The following SLC27A1 variants were observed in gnomAD, a reference collection of about 807,000 sequenced individuals.
SLC27A1 encodes the protein solute carrier family 27 member 1.
SLC27A1 carries 61 observed loss-of-function variants against 62.2 expected under a neutral mutation model. That is an observed-to-expected ratio of 0.98 (90% CI 0.80 to 1.21). The LOEUF (loss-of-function observed/expected upper bound fraction) is 1.21. Ranked by LOEUF, SLC27A1 falls within the 50% of genes most tolerant of loss-of-function variation. SLC27A1 has a pLI of 0.00. For missense variants in SLC27A1, 903 were observed against 932.1 expected (o/e 0.97, Z 0.41); for synonymous variants, 435 against 408.6 (o/e 1.06, Z -0.78).
At chr19:17,474,588 C>T (rs1163251675) in intron 1 of SLC27A1, among the ~76,000 whole-genome samples, 1 of 151,870 alleles carries the variant, frequency 6.6e-6, no homozygotes, top group African/African-American at 2.4e-5. Context: ...TTGTATGGTC[C>T]CCTCCCTTTG....
At chr19:17,470,439 G>T, upstream of SLC27A1, 1 of 1,322,230 alleles carries the variant, frequency 7.6e-7, no homozygotes, top group Non-Finnish European at 9.7e-7. Context: ...CCGAGGCCTG[G>T]GGGCGCGGCT....
chr19:17,494,928 T>G (rs1288770235), intron 6 of SLC27A1, among the ~76,000 whole-genome samples: 1 of 151,886 alleles, frequency 6.6e-6, no homozygotes, highest in East Asian at 1.9e-4. Flanking sequence ...CACGGTCTAT[T>G]TAGATCAGAT....
chr19:17,502,335 GTTTTTTTTGTT>G (rs1257927445), intron 11 of SLC27A1, among the ~76,000 whole-genome samples: 34 of 75,868 alleles, frequency 4.5e-4, no homozygotes, highest in Non-Finnish European at 6.5e-4. Flanking sequence ...CTGAAATAGT[GTTTTTTTTGTT>G]TTTTTTTTTT....
intron 6 of SLC27A1, among the ~76,000 whole-genome samples, chr19:17,494,231 G>C (rs1370669669): frequency 6.6e-6 from 1 of 151,372 alleles, no homozygotes; most frequent in Non-Finnish European, 1.5e-5. Context: ...CACGGTGTTA[G>C]CCAGGATGGT....
rs770582813 is a variant in SLC27A1 at position 17,500,534 on chromosome 19, A to C, written c.1373A>C (p.Asp458Ala). The C allele has an allele frequency of 6.2e-7, 1 of 1,613,480 alleles. No homozygotes were observed. Among genetic ancestry groups the C allele is most frequent in the East Asian group, 2.2e-5 (1 of 44,862 alleles). Residue 458 changes from aspartate to alanine, a missense_variant, in exon 9 of 12, where the codon GAC becomes GCC. Transcript: ENST00000252595. The part of the protein sequence containing the change: ...GLLVGQINQQ[D>A]PLRRFDGYVS... ...CTTGTGGGTCAGATCAACCAACAGG[A>C]CCCGCTGCGCCGCTTCGATGGCTAT...
At chr19:17,490,579 C>G (rs1482414697) in intron 6 of SLC27A1, among the ~76,000 whole-genome samples, 2 of 152,074 alleles carry the variant, frequency 1.3e-5, no homozygotes, top group African/African-American at 2.4e-5. Context: ...CTGTCCTGCC[C>G]CTCCCCACCT....
At chr19:17,490,224 T>C (rs2075281242) in intron 6 of SLC27A1, 1 of 152,168 alleles carries the variant, frequency 6.6e-6, no homozygotes, top group Non-Finnish European at 1.5e-5. Context: ...CTATCATGGC[T>C]CACTGCAGCT....
chr19:17,479,298 G>A (rs1193538258), intron 1 of SLC27A1, among the ~76,000 whole-genome samples: 1 of 152,138 alleles, frequency 6.6e-6, no homozygotes, highest in Non-Finnish European at 1.5e-5. Flanking sequence ...TGGCAATTTT[G>A]GAGATGCAGG....
rs2075265317 is a variant in SLC27A1 at position 17,488,883 on chromosome 19, AC to A, written c.832del (p.Arg278AlafsTer32). ...YRMAAFGHHA[Y>X]RMQAADVLYD... is the part of the protein sequence containing the mutation. ...ATGGCAGCCTTCGGCCACCACGCCT[AC>A]CGCATGCAGGCGGCTGACGTGCTCT... On this transcript the variant is annotated frameshift_variant, in exon 5 of 12. Coordinates refer to ENST00000252595, the MANE Select transcript of SLC27A1 (RefSeq NM_198580.3). LOFTEE classifies it high-confidence loss of function. 2 of 1,613,748 alleles carry A rather than the reference AC, an allele frequency of 1.2e-6. No homozygotes were observed. The highest frequency in any genetic ancestry group is 1.7e-6 in the Non-Finnish European group (2 of 1,179,954).
Position 17,500,784 on chromosome 19 carries a change from G to A in SLC27A1, c.1544G>A (p.Arg515Gln), listed in dbSNP as rs767912506. The change falls in exon 10 of 12, where the codon CGA becomes CAA. Residue 515 changes from arginine (R) to glutamine (Q), a missense_variant. Coordinates refer to ENST00000252595, the MANE Select transcript of SLC27A1 (RefSeq NM_198580.3). ...RDRSGDTFRW[R>Q]GENVSTTEVE... ...CGTAGCGGGGACACCTTCCGCTGGC[G>A]AGGGGAGAACGTCTCCACCACCGAG... The A allele has an allele frequency of 1.8e-5, 29 of 1,612,862 alleles. No homozygotes were observed. The highest frequency in any genetic ancestry group is 3.4e-5 in the Admixed American group (2 of 59,620).
intron 4 of SLC27A1, 45 bp from the exon 5 acceptor site, chr19:17,488,803 T>G: frequency 1.3e-6 from 2 of 1,561,332 alleles, no homozygotes; most frequent in Non-Finnish European, 1.8e-6. Context: ...CCCTGGGGGA[T>G]TTAGGTCCCA....
chr19:17,499,252 G>C (rs899207413), intron 7 of SLC27A1: 5 of 161,352 alleles, frequency 3.1e-5, no homozygotes, highest in African/African-American at 4.8e-5. Flanking sequence ...CCCTGTCCGG[G>C]CATAACAGAA....
chr19:17,497,278 C>T lies in SLC27A1; in HGVS notation c.1020C>T (p.Ile340=), dbSNP rs375208112. The T allele has an allele frequency of 6.2e-7, 1 of 1,605,330 alleles. No individual in the cohort carries two copies. The highest frequency in any genetic ancestry group is 8.5e-7 in the Non-Finnish European group (1 of 1,177,512). The change falls in exon 7 of 12, where the codon ATC becomes ATT. Residue 340 remains isoleucine, a synonymous_variant. Coordinates refer to ENST00000252595, the MANE Select transcript of SLC27A1 (RefSeq NM_198580.3). The part of the protein sequence containing the change: ...NCTVVQYIGE[I]CRYLLKQPVR... ...AGGTGGTTCAGTACATCGGGGAGAT[C>T]TGCCGCTACCTGCTGAAGCAGCCGG...
At position 17,505,217 on chromosome 19, in the gene SLC27A1, C is replaced by A. The variant is rs943938640; in HGVS notation, c.*605C>A. On this transcript the variant is annotated 3_prime_UTR_variant, in exon 12 of 12. Coordinates refer to ENST00000252595, the MANE Select transcript of SLC27A1 (RefSeq NM_198580.3). ...CTTTCCTTTTTCCTCTCCTCTCCTGCCGAGAGTGGAACACGCGTGTCCTGG... is the reference window on the plus strand; with the variant it reads ...CTTTCCTTTTTCCTCTCCTCTCCTGACGAGAGTGGAACACGCGTGTCCTGG... 6 of 293,700 alleles carry A rather than the reference C, an allele frequency of 2.0e-5. No homozygotes were observed. The highest frequency in any genetic ancestry group is 1.3e-4 in the African/African-American group (6 of 45,118). 18.2% of individuals were successfully genotyped at this position (293,700 alleles called of 1,614,324 possible).
intron 6 of SLC27A1, among the ~76,000 whole-genome samples, chr19:17,494,622 C>A (rs1008774989): frequency 5.3e-5 from 8 of 151,892 alleles, no homozygotes; most frequent in Admixed American, 1.3e-4. Context: ...CTACCGTGCC[C>A]GGCCACAGGT....
chr19:17,480,163 G>A (rs1462615710), intron 1 of SLC27A1, among the ~76,000 whole-genome samples: 1 of 151,664 alleles, frequency 6.6e-6, no homozygotes, highest in Non-Finnish European at 1.5e-5. Flanking sequence ...AAGTAGCTGG[G>A]ACTGCAGGAA....
Position 17,492,126 on chromosome 19 carries a change from C to T in SLC27A1, c.996+3009C>T, listed in dbSNP as rs574542536. Among the ~76,000 whole-genome samples, 35 of 152,212 alleles carry T rather than the reference C, an allele frequency of 2.3e-4. No homozygotes were observed. The South Asian group carries it at 7.3e-3, about 32-fold the overall frequency. On this transcript the variant is annotated intron_variant, in intron 6 of 11. Coordinates refer to ENST00000252595, the MANE Select transcript of SLC27A1 (RefSeq NM_198580.3). ...CAGATGCCAGTAGCAGTCCCCTTCC[C>T]CCAAGTTGTGACAATTAAAAAAATG...
chr19:17,487,393 GCCCCCAACTTCCAGGCCCCAC>G (rs2075246961), intron 3 of SLC27A1, 46 bp from the exon 4 acceptor site: 1 of 279,062 alleles, frequency 3.6e-6, no homozygotes, highest in Non-Finnish European at 4.6e-6. Flanking sequence ...CCCAGGCCCC[GCCCCCAACTTCCAGGCCCCAC>G]CCCCCAATGC....
In SLC27A1 at chr19:17,486,555, C is replaced by T; in HGVS notation, c.168-8C>T. 6.4e-7 allele frequency: 1 copy of T among 1,569,378 alleles called. No homozygotes were observed. Among genetic ancestry groups the T allele is most frequent in the African/African-American group, 1.4e-5 (1 of 74,046 alleles). On this transcript the variant is annotated splice_polypyrimidine_tract_variant and splice_region_variant and intron_variant, in intron 1 of 11. Coordinates refer to ENST00000252595, the MANE Select transcript of SLC27A1 (RefSeq NM_198580.3). This position sits in a 1 kb window ranked among gnomAD's most constrained non-coding sequence, Gnocchi z 6.6. ...CAGTGACGCTGTCCCCTCCGTCCTCCCTCCCAGCGGTCTCTCTGTGCTGAT... is the reference window on the plus strand; with the variant it reads ...CAGTGACGCTGTCCCCTCCGTCCTCTCTCCCAGCGGTCTCTCTGTGCTGAT...
Sources: gnomAD v4.1 joint callset for allele counts (sites outside exome capture counted in the v4.1 genomes callset) on GRCh38, gnomAD v4.1.1 for gene constraint, Gnocchi (gnomAD v3.1) non-coding constraint, MANE v1.5 for transcripts, NCBI Gene and HGNC (gene_info 2026-07-23, HGNC 2026-07-21) for gene names.